The following CAMK1D variants were observed in gnomAD, a reference collection of about 807,000 sequenced individuals.
CAMK1D encodes calcium/calmodulin dependent protein kinase ID, also known as calcium/calmodulin-dependent protein kinase type 1D.
CAMK1D carries 9 observed loss-of-function variants against 47.7 expected under a neutral mutation model. That is an observed-to-expected ratio of 0.19 (90% confidence interval 0.11 to 0.33). The LOEUF is 0.33. Among genes scored for constraint, CAMK1D ranks in the 10% least tolerant of loss-of-function variants. The pLI is 1.00. For missense variants in CAMK1D, 291 were observed against 488.7 expected, an observed-to-expected ratio of 0.60 and a Z score of 3.81; for synonymous variants, 184 against 184.9, an observed-to-expected ratio of 0.99 and a Z score of 0.04.
At chr10:12,785,610 C>T (rs1030951601) in intron 5 of CAMK1D, among the ~76,000 whole-genome samples, 5 of 152,298 alleles carry the variant, frequency 3.3e-5, no homozygotes, top group South Asian at 4.2e-4. Context: ...CTGTGCTGGG[C>T]ACCTCCTGGG....
intron 4 of CAMK1D, among the ~76,000 whole-genome samples, chr10:12,766,330 C>G (rs1285483576): frequency 7.9e-6 from 1 of 126,352 alleles, no homozygotes; most frequent in Non-Finnish European, 1.6e-5. Flanking sequence ...CAGATGGGTT[C>G]TCTGCCTGGC....
rs1465334078 is a variant in CAMK1D at position 12,394,669 on chromosome 10, G to A, written c.92+44759G>A. 2.6e-5 allele frequency among the ~76,000 whole-genome samples: 4 copies of A among 152,302 alleles called. No homozygotes were observed. In the East Asian group the frequency reaches 7.7e-4, roughly 29 times the overall value. ...GGGAGGTGGTAGCGTTGACATCAAG[G>A]GTGGGAGGAGATTAGCAAGCTGGGC... On this transcript the variant is annotated intron_variant, in intron 1 of 10. Coordinates refer to ENST00000619168, the MANE Select transcript of CAMK1D (RefSeq NM_153498.4).
intron 3 of CAMK1D, among the ~76,000 whole-genome samples, chr10:12,713,559 G>T (rs1394117423): frequency 1.3e-5 from 2 of 152,198 alleles, no homozygotes; most frequent in Middle Eastern, 3.2e-3. Flanking sequence ...AAAGAAACAG[G>T]GAGGGAATGC....
intron 2 of CAMK1D, among the ~76,000 whole-genome samples, chr10:12,634,126 TTC>T (rs1256144563): frequency 6.6e-6 from 1 of 152,182 alleles, no homozygotes; most frequent in African/African-American, 2.4e-5. Flanking sequence ...CAGGAGTTTT[TTC>T]TGTCTCTTGA....
At chr10:12,812,626 GA>G (rs923224917) in intron 6 of CAMK1D, among the ~76,000 whole-genome samples, 4 of 150,968 alleles carry the variant, frequency 2.6e-5, no homozygotes, top group Non-Finnish European at 5.9e-5. Flanking sequence ...AAGAAAGAAA[GA>G]AAAAAAAAGA....
chr10:12,677,219 CCCA>C (rs1840839824), intron 3 of CAMK1D, among the ~76,000 whole-genome samples: 1 of 152,014 alleles, frequency 6.6e-6, no homozygotes, highest in African/African-American at 2.4e-5. Flanking sequence ...AGTCTGTGTT[CCCA>C]GAAACAGTTT....
rs565715003 is a variant in CAMK1D at position 12,452,072 on chromosome 10, G to C, written c.93-101153G>C. On this transcript the variant is annotated intron_variant, in intron 1 of 10. Transcript: ENST00000619168. The stretch of plus-strand genomic sequence containing the variant: ...CTTGAGAGGGAAGGAGGAGAGTCTC[G>C]TGGAGCAGGCGAGTCAGGTGGGCGA... Among the ~76,000 whole-genome samples the C allele has an allele frequency of 4.3e-4, 66 of 152,292 alleles. No homozygotes were observed. The East Asian group carries it at 0.011, about 25-fold the overall frequency.
intron 3 of CAMK1D, among the ~76,000 whole-genome samples, chr10:12,744,288 G>A (rs898839354): frequency 1.3e-5 from 2 of 151,936 alleles, no homozygotes; most frequent in African/African-American, 4.9e-5. Flanking sequence ...ATTCTGCTGT[G>A]AACACTGATT....
intron 2 of CAMK1D, among the ~76,000 whole-genome samples, chr10:12,606,987 C>T (rs766020654): frequency 6.6e-6 from 1 of 152,064 alleles, no homozygotes; most frequent in African/African-American, 2.4e-5. Flanking sequence ...ACCACCATAC[C>T]CCGCTAATTT....
rs1021518515 is a variant in CAMK1D, at chr10:12,833,614, C to T, written c.*4727C>T. 1 of 152,186 alleles carries T rather than the reference C, an allele frequency of 6.6e-6. No individual in the cohort carries two copies. Among genetic ancestry groups the T allele is most frequent in the African/African-American group, 2.4e-5 (1 of 41,440 alleles). The allele number at this position is 152,186 out of a possible 1,614,324, so 9.4% of individuals were successfully genotyped here. Reference sequence around the variant, plus strand: ...CCACTGCCGCAGCTTCAGCCAGAGCCCTCGCTGCTTCGCAGAATTTAACAA... The same window carrying T: ...CCACTGCCGCAGCTTCAGCCAGAGCTCTCGCTGCTTCGCAGAATTTAACAA... On this transcript the variant is annotated 3_prime_UTR_variant, in exon 11 of 11. Coordinates refer to ENST00000619168, the MANE Select transcript of CAMK1D (RefSeq NM_153498.4).
intron 2 of CAMK1D, among the ~76,000 whole-genome samples, chr10:12,558,791 G>A (rs1256622112): frequency 6.6e-6 from 1 of 152,114 alleles, no homozygotes; most frequent in East Asian, 1.9e-4. Flanking sequence ...ATGAAACATG[G>A]CACCAGAATT....
chr10:12,828,714 C>T (rs540690056), intron 10 of CAMK1D, 55 bp from the exon 11 acceptor site: 260 of 1,432,082 alleles, frequency 1.8e-4, no homozygotes, highest in East Asian at 6.8e-4. Context: ...CAGTGGGAAG[C>T]AGGGTGAGAA....
At chr10:12,518,857 A>G (rs1341286720) in intron 1 of CAMK1D, among the ~76,000 whole-genome samples, 1 of 125,000 alleles carries the variant, frequency 8.0e-6, no homozygotes, top group Non-Finnish European at 1.8e-5. Context: ...CTTAGTACAG[A>G]ACAAAATGAA....
chr10:12,807,331 A>C lies in CAMK1D; in HGVS notation c.642-6864A>C, dbSNP rs1175919231. On this transcript the variant is annotated intron_variant, in intron 6 of 10. Coordinates refer to ENST00000619168, the MANE Select transcript of CAMK1D (RefSeq NM_153498.4). ...TCGTGTGGAATGAACTGGAAGGCCT[A>C]GCACTGATGCGGCCACAAGCGTGGG... Among the ~76,000 whole-genome samples, 3 of 152,374 alleles carry C rather than the reference A, an allele frequency of 2.0e-5. No homozygotes were observed. In the East Asian group the frequency reaches 5.8e-4, roughly 29 times the overall value.
chr10:12,541,591 G>T (rs754154342), intron 1 of CAMK1D, among the ~76,000 whole-genome samples: 6 of 152,032 alleles, frequency 3.9e-5, no homozygotes, highest in Non-Finnish European at 7.4e-5. Context: ...GAACTCCTGA[G>T]CTTGTGATTC....
At chr10:12,488,392 A>G (rs1321688340) in intron 1 of CAMK1D, among the ~76,000 whole-genome samples, 2 of 152,142 alleles carry the variant, frequency 1.3e-5, no homozygotes. Context: ...CACTATGAAC[A>G]TAAGCAGTGA....
intron 3 of CAMK1D, among the ~76,000 whole-genome samples, chr10:12,758,798 G>A (rs1049029831): frequency 6.6e-6 from 1 of 152,294 alleles, no homozygotes; most frequent in South Asian, 2.1e-4. Flanking sequence ...AGCAGTGGAA[G>A]GGGTAAGCGT....
chr10:12,705,174 T>C (rs1467147963), intron 3 of CAMK1D, among the ~76,000 whole-genome samples: 1 of 151,902 alleles, frequency 6.6e-6, no homozygotes, highest in Admixed American at 6.6e-5. Context: ...GAATAGAAAA[T>C]AATAGGCTGG....
chr10:12,693,269 G>T (rs907457443), intron 3 of CAMK1D, among the ~76,000 whole-genome samples: 2 of 152,114 alleles, frequency 1.3e-5, no homozygotes, highest in Admixed American at 1.3e-4. Context: ...GGAGGCTGAG[G>T]CAGGAGAATT....
Sources: gnomAD v4.1 joint callset for allele counts (sites outside exome capture counted in the v4.1 genomes callset) on GRCh38, gnomAD v4.1.1 for gene constraint, MANE v1.5 for transcripts, NCBI Gene and HGNC (gene_info 2026-07-23, HGNC 2026-07-21) for gene names.